The following GSK3B variants were observed in gnomAD, a reference collection of about 807,000 sequenced individuals.
GSK3B encodes the protein glycogen synthase kinase 3 beta, also known as glycogen synthase kinase-3 beta.
In GSK3B, 15 loss-of-function variants were observed where a neutral mutation model predicts 56.4. The observed-to-expected ratio is 0.27, with a 90% confidence interval of 0.18 to 0.41. The LOEUF is 0.41. GSK3B is among the 10% of genes least tolerant of loss of function. The probability of loss-of-function intolerance (pLI) is 1.00; values close to 1 mark genes in which losing one functional copy is unlikely to be tolerated. For synonymous variants in GSK3B, 181 were observed against 188.9 expected, an observed-to-expected ratio of 0.96 and a Z score of 0.34; for missense variants, 300 against 513.4, an observed-to-expected ratio of 0.58 and a Z score of 4.02.
chr3:119,839,095 G>C (rs990404374), intron 10 of GSK3B, among the ~76,000 whole-genome samples: 18 of 152,204 alleles, frequency 1.2e-4, no homozygotes, highest in African/African-American at 3.6e-4. Flanking sequence ...GGTGATGACA[G>C]AGAACAATTA....
chr3:119,824,755 T>C lies in GSK3B; in HGVS notation c.*2033A>G, dbSNP rs2055474892. The C allele has an allele frequency of 5.3e-6, 1 of 188,806 alleles. No individual in the cohort carries two copies. The highest frequency in any genetic ancestry group is 6.2e-5 in the Admixed American group (1 of 16,188). 11.7% of individuals were successfully genotyped at this position (188,806 alleles called of 1,614,324 possible). A position where few individuals can be genotyped will look rare whatever the true frequency, so the allele number is the denominator to read the frequency against. On this transcript the variant is annotated 3_prime_UTR_variant, in exon 11 of 11. Transcript: ENST00000264235. ...GTTTCCTTTCTCATAAACTCTGATA[T>C]ATCCAGAGGTTTGTGAAACCCCTTT...
chr3:119,843,306 C>T lies in GSK3B; in HGVS notation c.1144G>A (p.Ala382Thr), dbSNP rs2055805479. The T allele has an allele frequency of 6.2e-7, 1 of 1,611,154 alleles. No homozygotes were observed. The highest frequency in any genetic ancestry group is 8.5e-7 in the Non-Finnish European group (1 of 1,178,004). ...GTTGAAGCAGCTGCTTGAATCCGAGCATGAGGAGGAATAAGGATGGTAGCC... is the reference window on the plus strand; with the variant it reads ...GTTGAAGCAGCTGCTTGAATCCGAGTATGAGGAGGAATAAGGATGGTAGCC... The part of the protein sequence containing the change: ...PLATILIPPH[A>T]RIQAAASTPT... The change falls in exon 10 of 11, where the codon GCT becomes ACT. Residue 382 changes from alanine (A) to threonine (T), a missense_variant. Transcript: ENST00000264235.
At chr3:120,004,184 T>A (rs72969142) in intron 1 of GSK3B, among the ~76,000 whole-genome samples, 2 of 152,148 alleles carry the variant, frequency 1.3e-5, no homozygotes, top group Non-Finnish European at 2.9e-5. Flanking sequence ...TGTGGGAGCT[T>A]GGTGGGGGGA....
chr3:119,844,997 C>G (rs932724254), intron 9 of GSK3B, among the ~76,000 whole-genome samples: 2 of 152,184 alleles, frequency 1.3e-5, no homozygotes, highest in Non-Finnish European at 2.9e-5. Flanking sequence ...GGATGAAAGG[C>G]TGGTTCAACA....
At chr3:119,845,326 G>T (rs2108013685) in intron 9 of GSK3B, among the ~76,000 whole-genome samples, 1 of 152,272 alleles carries the variant, frequency 6.6e-6, no homozygotes, top group Non-Finnish European at 1.5e-5. Flanking sequence ...GGGCAATCAG[G>T]CAAGAGAAAG....
At chr3:119,905,550 G>C (rs1344496020) in intron 7 of GSK3B, among the ~76,000 whole-genome samples, 4 of 152,042 alleles carry the variant, frequency 2.6e-5, no homozygotes, top group African/African-American at 9.7e-5. Flanking sequence ...GCTTTTCTAG[G>C]ATCATACAAG....
chr3:120,011,863 T>C (rs1175439976), intron 1 of GSK3B, among the ~76,000 whole-genome samples: 1 of 152,192 alleles, frequency 6.6e-6, no homozygotes, highest in Non-Finnish European at 1.5e-5. Flanking sequence ...ATACCTATAA[T>C]AGATTAATTT....
chr3:119,924,526 G>A (rs2056872523), intron 3 of GSK3B, among the ~76,000 whole-genome samples: 1 of 151,196 alleles, frequency 6.6e-6, no homozygotes, highest in Non-Finnish European at 1.5e-5. Flanking sequence ...GTGTATAAAA[G>A]AAGCATTTCA....
chr3:119,931,765 A>G (rs538564312), intron 3 of GSK3B, among the ~76,000 whole-genome samples: 85 of 152,354 alleles, frequency 5.6e-4, no homozygotes, highest in African/African-American at 1.9e-3. Context: ...AAAAACTGGC[A>G]AAAGAGTCAA....
chr3:120,093,321 G>A, intron 1 of GSK3B, 26 bp downstream of exon 1: 1 of 1,410,704 alleles, frequency 7.1e-7, no homozygotes, highest in Non-Finnish European at 1.0e-6. Flanking sequence ...GGTGGAAAAG[G>A]GGTGTAAAAT....
chr3:119,964,258 C>T (rs2057299801), intron 2 of GSK3B, among the ~76,000 whole-genome samples: 1 of 152,174 alleles, frequency 6.6e-6, no homozygotes. Flanking sequence ...TATGATCCAA[C>T]AATCCCACTT....
chr3:120,026,512 T>TAC (rs61580328), intron 1 of GSK3B, among the ~76,000 whole-genome samples: 4,656 of 130,422 alleles, frequency 0.036, 76 homozygotes, highest in Middle Eastern at 0.051. Context: ...TACCGCCAAA[T>TAC]ACACACACAC....
chr3:119,853,987 T>C (rs1445619409), intron 9 of GSK3B, among the ~76,000 whole-genome samples: 2 of 152,198 alleles, frequency 1.3e-5, no homozygotes, highest in African/African-American at 2.4e-5. Flanking sequence ...AGGGAACCCC[T>C]GTCTTGTGCC....
intron 6 of GSK3B, among the ~76,000 whole-genome samples, chr3:119,909,168 G>A (rs1033073233): frequency 1.3e-5 from 2 of 152,068 alleles, no homozygotes; most frequent in Non-Finnish European, 2.9e-5. Flanking sequence ...ACAGGGGCAT[G>A]TCACCACGCC....
chr3:120,019,626 C>A (rs2057855941), intron 1 of GSK3B, among the ~76,000 whole-genome samples: 2 of 152,158 alleles, frequency 1.3e-5, no homozygotes, highest in Non-Finnish European at 2.9e-5. Context: ...ACAATCTTAA[C>A]CATAGCCGGT....
chr3:119,846,451 A>C (rs1001499864), intron 9 of GSK3B, among the ~76,000 whole-genome samples: 1 of 152,234 alleles, frequency 6.6e-6, no homozygotes, highest in Non-Finnish European at 1.5e-5. Context: ...AGAAAAAAAC[A>C]AACAATCCCA....
At chr3:120,011,675 A>T (rs2057779585) in intron 1 of GSK3B, among the ~76,000 whole-genome samples, 1 of 152,222 alleles carries the variant, frequency 6.6e-6, no homozygotes, top group South Asian at 2.1e-4. Context: ...GCAGGGCAAT[A>T]TGGGGGATGA....
rs116659040 is a variant in GSK3B at position 119,861,770 on chromosome 3, T to G, written c.1096+1649A>C. On this transcript the variant is annotated intron_variant, in intron 9 of 10. Coordinates refer to ENST00000264235, the MANE Select transcript of GSK3B (RefSeq NM_001146156.2). Reference sequence around the variant, plus strand: ...TACCTCAAAATGATAGCACTTTCAATAATATACTTAGTATGCGTAAGCACA... The same window carrying G: ...TACCTCAAAATGATAGCACTTTCAAGAATATACTTAGTATGCGTAAGCACA... Among the ~76,000 whole-genome samples the G allele has an allele frequency of 4.3e-3, 651 of 152,290 alleles. 8 individuals are homozygous for G. Among genetic ancestry groups the G allele is most frequent in the Middle Eastern group, 0.02 (6 of 294 alleles).
Position 119,951,279 on chromosome 3 carries a change from A to T in GSK3B, c.283-3928T>A, listed in dbSNP as rs1052652054. 4.6e-5 allele frequency among the ~76,000 whole-genome samples: 7 copies of T among 152,238 alleles called. No homozygotes were observed. In the East Asian group the frequency reaches 1.2e-3, roughly 25 times the overall value. ...AACTCACATATAGGATCATCAAAAA[A>T]TGCTGAAAGTGGCAGGGTGCAGTGG... On this transcript the variant is annotated intron_variant, in intron 2 of 10. Coordinates refer to ENST00000264235, the MANE Select transcript of GSK3B (RefSeq NM_001146156.2).
Sources: gnomAD v4.1 joint callset for allele counts (sites outside exome capture counted in the v4.1 genomes callset) on GRCh38, gnomAD v4.1.1 for gene constraint, MANE v1.5 for transcripts, NCBI Gene and HGNC (gene_info 2026-07-23, HGNC 2026-07-21) for gene names.